Variants in CA10 observed in about 807,000 individuals in gnomAD.
CA10 encodes the protein carbonic anhydrase-related protein 10.
CA10 carries 14 observed loss-of-function variants against 44.2 expected under a neutral mutation model. The observed-to-expected ratio is 0.32, with a 90% CI of 0.21 to 0.50. The LOEUF (loss-of-function observed/expected upper bound fraction) is 0.50. Among genes scored for constraint, CA10 ranks in the 20% least tolerant of loss-of-function variants. The pLI, the probability that CA10 is intolerant of heterozygous loss-of-function variation, is 0.99. For synonymous variants in CA10, 159 were observed against 141.6 expected, an observed-to-expected ratio of 1.12 and a Z score of -0.87; for missense variants, 350 against 409.7, an observed-to-expected ratio of 0.85 and a Z score of 1.26.
chr17:52,053,636 T>G (rs984477846), intron 2 of CA10, among the ~76,000 whole-genome samples: 11 of 151,492 alleles, frequency 7.3e-5, no homozygotes, highest in Admixed American at 5.9e-4. Context: ...AGAAAGGAAA[T>G]CTAAAAATTA....
intron 4 of CA10, among the ~76,000 whole-genome samples, chr17:51,720,883 C>T (rs1916329586): frequency 6.6e-6 from 1 of 151,968 alleles, no homozygotes. Flanking sequence ...TTTAAAATTG[C>T]TAATAGATTG....
At chr17:51,887,045 C>G (rs927930709) in intron 3 of CA10, among the ~76,000 whole-genome samples, 11 of 152,228 alleles carry the variant, frequency 7.2e-5, no homozygotes, top group Non-Finnish European at 1.5e-4. Context: ...TTGCATATAG[C>G]AGATAATGAA....
chr17:51,722,149 G>A (rs544273552), intron 4 of CA10, among the ~76,000 whole-genome samples: 102 of 152,174 alleles, frequency 6.7e-4, no homozygotes, highest in African/African-American at 2.4e-3. Context: ...GGTGTTTGGA[G>A]AACTGGAGAA....
At chr17:51,950,034 A>G (rs1023827278) in intron 2 of CA10, among the ~76,000 whole-genome samples, 1 of 152,112 alleles carries the variant, frequency 6.6e-6, no homozygotes, top group Non-Finnish European at 1.5e-5. Flanking sequence ...AGTATTGGGT[A>G]CCCTCCAAGA....
chr17:51,721,079 C>G (rs1298619320), intron 4 of CA10, among the ~76,000 whole-genome samples: 1 of 152,080 alleles, frequency 6.6e-6, no homozygotes, highest in Non-Finnish European at 1.5e-5. Flanking sequence ...CCTGTAATCC[C>G]AGCACTTTGG....
rs138240528 is a variant in CA10 at position 51,654,617 on chromosome 17, C to T, written c.466-881G>A. ...TGTCACCCAGGCTGGAGTGCAGTGGCGCGATTTCAGCTCACTGCAACCTCC... is the reference window on the plus strand; with the variant it reads ...TGTCACCCAGGCTGGAGTGCAGTGGTGCGATTTCAGCTCACTGCAACCTCC... On this transcript the variant is annotated intron_variant, in intron 4 of 8. Transcript: ENST00000451037. Among the ~76,000 whole-genome samples, 281 of 151,258 alleles carry T rather than the reference C, an allele frequency of 1.9e-3. 1 individual carries two copies. Among genetic ancestry groups the T allele is most frequent in the African/African-American group, 5.4e-3 (223 of 41,198 alleles).
At chr17:52,099,818 G>T (rs1330796236) in intron 1 of CA10, among the ~76,000 whole-genome samples, 1 of 152,212 alleles carries the variant, frequency 6.6e-6, no homozygotes, top group African/African-American at 2.4e-5. Context: ...AAGATATGGA[G>T]TCTTGTGAAC....
intron 4 of CA10, among the ~76,000 whole-genome samples, chr17:51,716,088 G>A (rs1342470064): frequency 6.6e-6 from 1 of 151,922 alleles, no homozygotes; most frequent in Non-Finnish European, 1.5e-5. Flanking sequence ...TCATCCTCCA[G>A]GTAATTTGAT....
chr17:52,002,998 A>G (rs1423958813), intron 2 of CA10, among the ~76,000 whole-genome samples: 3 of 151,966 alleles, frequency 2.0e-5, no homozygotes, highest in African/African-American at 7.2e-5. Flanking sequence ...TCCTACCTTC[A>G]GAAATAAGGA....
intron 2 of CA10, among the ~76,000 whole-genome samples, chr17:51,932,629 A>G (rs910533970): frequency 3.9e-5 from 6 of 152,142 alleles, no homozygotes; most frequent in East Asian, 1.9e-4. Context: ...AGGAGTTTGA[A>G]TTGGCTTTTT....
At chr17:52,055,671 A>G (rs1987208396) in intron 2 of CA10, among the ~76,000 whole-genome samples, 4 of 152,112 alleles carry the variant, frequency 2.6e-5, no homozygotes, top group Admixed American at 1.3e-4. Flanking sequence ...TATTACTGAT[A>G]CCGTTTCAGA....
chr17:51,949,536 A>G (rs1342927059), intron 2 of CA10, among the ~76,000 whole-genome samples: 1 of 152,186 alleles, frequency 6.6e-6, no homozygotes, highest in Non-Finnish European at 1.5e-5. Flanking sequence ...ATTTCCACTT[A>G]GAGCTGTGTG....
At chr17:52,092,163 T>C (rs1988284662) in intron 1 of CA10, among the ~76,000 whole-genome samples, 3 of 152,150 alleles carry the variant, frequency 2.0e-5, no homozygotes. Context: ...TGAGTGTCTG[T>C]TTGTATTTTT....
intron 1 of CA10, among the ~76,000 whole-genome samples, chr17:52,072,609 TAATTG>T (rs1221978505): frequency 2.0e-5 from 3 of 151,588 alleles, no homozygotes; most frequent in African/African-American, 7.3e-5. Flanking sequence ...TCTGATATTT[TAATTG>T]ATGTTAAAGA....
chr17:52,015,898 G>A (rs903047152), intron 2 of CA10, among the ~76,000 whole-genome samples: 8 of 152,192 alleles, frequency 5.3e-5, no homozygotes, highest in Admixed American at 6.5e-5. Flanking sequence ...ATTCTTTCAG[G>A]TCAACCACGT....
intron 3 of CA10, among the ~76,000 whole-genome samples, chr17:51,813,028 A>G (rs1907431340): frequency 6.6e-6 from 1 of 152,248 alleles, no homozygotes; most frequent in African/African-American, 2.4e-5. Flanking sequence ...TTCAATTGGC[A>G]TTAAAATTTC....
At chr17:51,669,200 C>T (rs1391755488) in intron 4 of CA10, among the ~76,000 whole-genome samples, 1 of 152,390 alleles carries the variant, frequency 6.6e-6, no homozygotes, top group Non-Finnish European at 1.5e-5. Flanking sequence ...GCCAGCTGGG[C>T]TCCTGAGTCG....
chr17:51,855,858 AGAG>A (rs1174736533), intron 3 of CA10, among the ~76,000 whole-genome samples: 2 of 152,244 alleles, frequency 1.3e-5, no homozygotes, highest in African/African-American at 4.8e-5. Flanking sequence ...CACAAGGTAT[AGAG>A]GAGGAAAGAG....
At chr17:51,845,453 T>C (rs1206635089) in intron 3 of CA10, among the ~76,000 whole-genome samples, 1 of 152,226 alleles carries the variant, frequency 6.6e-6, no homozygotes, top group African/African-American at 2.4e-5. Context: ...CTTACTTTTG[T>C]GGAACCTTGA....
Sources: gnomAD v4.1 joint callset for allele counts (sites outside exome capture counted in the v4.1 genomes callset) on GRCh38, gnomAD v4.1.1 for gene constraint, MANE v1.5 for transcripts, NCBI Gene and HGNC (gene_info 2026-07-23, HGNC 2026-07-21) for gene names.